The following PATL2 variants were observed in gnomAD, a reference collection of about 807,000 sequenced individuals.
PATL2 encodes the protein protein PAT1 homolog 2.
PATL2 carries 73 observed loss-of-function variants against 77.0 expected under a neutral mutation model. That is an observed-to-expected ratio of 0.95 (90% CI 0.78 to 1.15). PATL2 has a LOEUF of 1.15. Ranked by LOEUF, PATL2 falls within the 50% of genes most tolerant of loss-of-function variation. The probability of loss-of-function intolerance (pLI) is 0.00; values close to 1 mark genes in which losing one functional copy is unlikely to be tolerated. For missense variants in PATL2, 618 were observed against 655.4 expected (o/e 0.94, Z 0.62); for synonymous variants, 265 against 257.1 (o/e 1.03, Z -0.29).
At chr15:44,689,862 A>C (rs994384198) in intron 3 of PATL2, among the ~76,000 whole-genome samples, 1 of 152,208 alleles carries the variant, frequency 6.6e-6, no homozygotes, top group Non-Finnish European at 1.5e-5. Flanking sequence ...AAGTATAATA[A>C]TAAGAAGAAA....
intron 9 of PATL2, among the ~76,000 whole-genome samples, chr15:44,670,358 T>G (rs2085612156): frequency 6.6e-6 from 1 of 152,154 alleles, no homozygotes; most frequent in South Asian, 2.1e-4. Context: ...CATGCCCAGC[T>G]AATTTTTGTA....
intron 3 of PATL2, among the ~76,000 whole-genome samples, chr15:44,705,811 G>GTTTTCTTTTTTTT (rs1555390148): frequency 7.4e-5 from 10 of 135,394 alleles, no homozygotes; most frequent in African/African-American, 3.0e-4. Flanking sequence ...TCAAAACATT[G>GTTTTCTTTTTTTT]TTTTTTTTTA....
intron 3 of PATL2, chr15:44,676,854 G>A (rs927151319): frequency 1.8e-6 from 2 of 1,105,096 alleles, no homozygotes; most frequent in Non-Finnish European, 2.2e-6. Flanking sequence ...ATGCCTTGCT[G>A]CCGACACCCA....
At chr15:44,676,342 G>T in intron 4 of PATL2, 133 bp downstream of exon 4, 1 of 822,040 alleles carries the variant, frequency 1.2e-6, no homozygotes, top group Non-Finnish European at 2.1e-6. Flanking sequence ...CACCCATTAT[G>T]ATATAATTAG....
chr15:44,688,945 T>A (rs1438326148), intron 3 of PATL2, among the ~76,000 whole-genome samples: 1 of 152,090 alleles, frequency 6.6e-6, no homozygotes, highest in Non-Finnish European at 1.5e-5. Flanking sequence ...TGGGAGAAAA[T>A]GTTTGCAATC....
chr15:44,699,940 T>C (rs1033042613), intron 3 of PATL2, among the ~76,000 whole-genome samples: 9 of 152,162 alleles, frequency 5.9e-5, no homozygotes, highest in Admixed American at 5.9e-4. Flanking sequence ...ATGTGATTCT[T>C]CAGTTTTGTT....
At chr15:44,679,552 C>CTTTTTTTTTTTTTTTTTTTTTT (rs545161525) in intron 3 of PATL2, among the ~76,000 whole-genome samples, 1 of 114,360 alleles carries the variant, frequency 8.7e-6, no homozygotes, top group African/African-American at 3.3e-5. Flanking sequence ...TTTTCTTTTT[C>CTTTTTTTTTTTTTTTTTTTTTT]TTTTTTTTTT....
At chr15:44,707,087 C>A (rs1672633402) in intron 3 of PATL2, among the ~76,000 whole-genome samples, 1 of 152,000 alleles carries the variant, frequency 6.6e-6, no homozygotes, top group South Asian at 2.1e-4. Context: ...ATACTCAAGG[C>A]CCAAGGGCTC....
intron 3 of PATL2, among the ~76,000 whole-genome samples, chr15:44,689,036 C>G (rs190139610): frequency 6.6e-6 from 1 of 152,060 alleles, no homozygotes; most frequent in African/African-American, 2.4e-5. Context: ...ACAACCCCAT[C>G]AAAAAGTGGG....
chr15:44,676,718 A>G (rs1296434934), intron 3 of PATL2, 153 bp from the exon 4 acceptor site: 8 of 1,218,376 alleles, frequency 6.6e-6, no homozygotes, highest in African/African-American at 3.1e-5. Context: ...GACTGCCATA[A>G]ACACCCACCC....
chr15:44,680,672 G>A (rs1222091495), intron 3 of PATL2, among the ~76,000 whole-genome samples: 2 of 152,082 alleles, frequency 1.3e-5, no homozygotes, highest in East Asian at 3.9e-4. Flanking sequence ...TCCCTGTCTT[G>A]TTTTTGTTTC....
intron 3 of PATL2, among the ~76,000 whole-genome samples, chr15:44,704,041 T>C (rs960347860): frequency 6.6e-6 from 1 of 151,868 alleles, no homozygotes; most frequent in South Asian, 2.1e-4. Context: ...CAGGCTGGAG[T>C]GCAGTGGTGC....
intron 3 of PATL2, among the ~76,000 whole-genome samples, chr15:44,696,298 G>T (rs1331350741): frequency 6.6e-6 from 1 of 152,184 alleles, no homozygotes; most frequent in East Asian, 1.9e-4. Context: ...ACAATTAAGA[G>T]ATTTTGGCTT....
intron 3 of PATL2, among the ~76,000 whole-genome samples, chr15:44,692,091 A>G (rs1038229624): frequency 6.6e-6 from 1 of 152,216 alleles, no homozygotes; most frequent in African/African-American, 2.4e-5. Flanking sequence ...ATAGAAATAG[A>G]TACACTGTCC....
In PATL2 at chr15:44,667,189, C is replaced by G. The variant is rs1264476152; in HGVS notation, c.1380G>C (p.Leu460Phe). The G allele has an allele frequency of 6.4e-7, 1 of 1,551,510 alleles. No individual in the cohort carries two copies. The highest frequency in any genetic ancestry group is 1.2e-5 in the South Asian group (1 of 84,054). Residue 460 changes from leucine (L) to phenylalanine (F), a missense_variant, in exon 16 of 18, where the codon TTG (leucine) becomes TTC (phenylalanine). Transcript: ENST00000682850. Reference protein sequence around the residue: ...VVLQNQFGISLLYALLSHGEQ... With the variant: ...VVLQNQFGISFLYALLSHGEQ... ...CCCCATGGCTCAGCAGGGCATAGAG[C>G]AAAGATATTCCAAACTGCAAGGGAC... is the stretch of plus-strand genomic sequence containing the variant.
At chr15:44,675,886 T>C (rs1200221127) in intron 4 of PATL2, 195 bp from the exon 5 acceptor site, 2 of 566,450 alleles carry the variant, frequency 3.5e-6, no homozygotes, top group East Asian at 2.9e-5. Flanking sequence ...CCCCAGTAAG[T>C]CAAATGGAAC....
chr15:44,685,633 G>C (rs1275564858), intron 3 of PATL2, among the ~76,000 whole-genome samples: 2 of 151,268 alleles, frequency 1.3e-5, no homozygotes, highest in African/African-American at 2.4e-5. Flanking sequence ...AAAAAATCAA[G>C]ACCCATCAGT....
chr15:44,682,335 T>C (rs1206410419), intron 3 of PATL2, among the ~76,000 whole-genome samples: 3 of 152,250 alleles, frequency 2.0e-5, no homozygotes. Flanking sequence ...GGCACCCTTA[T>C]GTGTGCTCAC....
At chr15:44,680,576 G>A (rs2086112009) in intron 3 of PATL2, among the ~76,000 whole-genome samples, 1 of 152,112 alleles carries the variant, frequency 6.6e-6, no homozygotes, top group Non-Finnish European at 1.5e-5. Context: ...ACTTTTCTCT[G>A]TGTCTTGAGC....
Sources: gnomAD v4.1 joint callset for allele counts (sites outside exome capture counted in the v4.1 genomes callset) on GRCh38, gnomAD v4.1.1 for gene constraint, MANE v1.5 for transcripts, NCBI Gene and HGNC (gene_info 2026-07-23, HGNC 2026-07-21) for gene names.